SRRM3: variants seen among roughly 807,000 people sequenced by gnomAD.
SRRM3 encodes serine/arginine repetitive matrix protein 3.
A neutral mutation model predicts 66.2 loss-of-function variants in SRRM3; 27 were observed. The observed-to-expected ratio is 0.41, with a 90% CI of 0.30 to 0.56. SRRM3 has a LOEUF of 0.56. Ranked by LOEUF, SRRM3 falls within the 20% of genes least tolerant of loss-of-function variation. The probability of loss-of-function intolerance (pLI) is 0.32; values close to 1 mark genes in which losing one functional copy is unlikely to be tolerated. For missense variants in SRRM3, 918 were observed against 991.9 expected (o/e 0.93, Z 1.00); for synonymous variants, 391 against 414.9 (o/e 0.94, Z 0.70).
intron 8 of SRRM3, among the ~76,000 whole-genome samples, chr7:76,263,877 C>CAAA (rs781852712): frequency 0.03 from 1,460 of 49,280 alleles, 236 homozygotes; most frequent in African/African-American, 0.073. Context: ...TGTCTCAAGA[C>CAAA]AAAAAAAAAA....
At chr7:76,262,987 C>T (rs1406498001) in intron 8 of SRRM3, among the ~76,000 whole-genome samples, 3 of 152,046 alleles carry the variant, frequency 2.0e-5, no homozygotes, top group Non-Finnish European at 4.4e-5. Flanking sequence ...GTCTGGAGTT[C>T]CTTCTTTGTA....
intron 1 of SRRM3, among the ~76,000 whole-genome samples, chr7:76,222,622 T>A (rs907233656): frequency 1.1e-4 from 16 of 151,866 alleles, no homozygotes; most frequent in Admixed American, 2.0e-4. Context: ...TTTGTTTTTT[T>A]AATTTTTTTA....
chr7:76,282,482 C>G (rs1802547678), intron 12 of SRRM3, 166 bp from the exon 13 acceptor site: 3 of 456,452 alleles, frequency 6.6e-6, no homozygotes, highest in Middle Eastern at 1.1e-3. Flanking sequence ...TGAACTGACC[C>G]CTGCCCCTCA....
At position 76,286,074 on chromosome 7, in the gene SRRM3, A is replaced by G. The variant is rs1554612797; in HGVS notation, c.*231A>G. ...GGGTGTCCTCTCCCACCTCCTGTCC[A>G]CCCACTGTGCCCGGGGAACAAAGAG... On this transcript the variant is annotated 3_prime_UTR_variant, in exon 15 of 15. Coordinates refer to ENST00000611745, the MANE Select transcript of SRRM3 (RefSeq NM_001110199.3). 3 of 583,874 alleles carry G rather than the reference A, an allele frequency of 5.1e-6. No individual in the cohort carries two copies. Among genetic ancestry groups the G allele is most frequent in the African/African-American group, 3.8e-5 (2 of 53,150 alleles). 36.2% of individuals were successfully genotyped at this position (583,874 alleles called of 1,614,324 possible).
In SRRM3 at chr7:76,285,553, C is replaced by T. The variant is rs1160926268; in HGVS notation, c.1734-62C>T. On this transcript the variant is annotated intron_variant, in intron 14 of 14. Coordinates refer to ENST00000611745, the MANE Select transcript of SRRM3 (RefSeq NM_001110199.3). The surrounding 1 kb of genome is among the most constrained non-coding windows in gnomAD (Gnocchi z 4.1). Reference sequence around the variant, plus strand: ...GGGAAACTGAGGCAGGAAGCCCTGGCCGCTGCTGGGATGGGGCTCGGGGCC... The same window carrying T: ...GGGAAACTGAGGCAGGAAGCCCTGGTCGCTGCTGGGATGGGGCTCGGGGCC... The T allele has an allele frequency of 2.1e-6, 3 of 1,399,214 alleles. No individual in the cohort carries two copies. In the African/African-American group the frequency reaches 4.3e-5, roughly 20 times the overall value. 86.7% of individuals were successfully genotyped at this position (1,399,214 alleles called of 1,614,324 possible).
intron 3 of SRRM3, among the ~76,000 whole-genome samples, chr7:76,258,149 C>G (rs1801758557): frequency 6.6e-6 from 1 of 152,174 alleles, no homozygotes; most frequent in Non-Finnish European, 1.5e-5. Flanking sequence ...GGCCCCCACC[C>G]TCTGCCACCA....
chr7:76,258,713 C>CAAAAAAAAAAAAAAAAAAAA (rs201265747), intron 3 of SRRM3, among the ~76,000 whole-genome samples: 1 of 68,282 alleles, frequency 1.5e-5, no homozygotes, highest in South Asian at 5.4e-4. Context: ...GACTCCATCT[C>CAAAAAAAAAAAAAAAAAAAA]AAAAAAAAAA....
In SRRM3 at chr7:76,235,127, G is replaced by C. The variant is rs545492315; in HGVS notation, c.61G>C (p.Gly21Arg). 2 of 1,577,726 alleles carry C rather than the reference G, an allele frequency of 1.3e-6. No homozygotes were observed. Among genetic ancestry groups the C allele is most frequent in the South Asian group, 2.3e-5 (2 of 87,250 alleles). ...GCAGTCCACACCCGACGCCGCGAAC[G>C]GCTTCCCGCAGCCCAGCTCCTCCTC... is the stretch of plus-strand genomic sequence containing the variant. ...SMQSTPDAANGFPQPSSSSGT... is the reference protein window; with the variant it reads ...SMQSTPDAANRFPQPSSSSGT... The change falls in exon 2 of 15, where the codon GGC becomes CGC. Residue 21 changes from glycine (G) to arginine (R), a missense_variant. Transcript: ENST00000611745.
At chr7:76,246,600 G>T (rs1801449163) in intron 2 of SRRM3, among the ~76,000 whole-genome samples, 1 of 152,014 alleles carries the variant, frequency 6.6e-6, no homozygotes, top group Non-Finnish European at 1.5e-5. Flanking sequence ...GAAAAGAAAA[G>T]TTGTATAGGT....
At position 76,260,052 on chromosome 7, in the gene SRRM3, C is replaced by T. The variant is rs561314187; in HGVS notation, c.464+18C>T. ...GGGTACAGGTCAGCGGCCGCCGCGG[C>T]GGGGGTGGGGGGCGCGCGGGGCTGC... is the stretch of plus-strand genomic sequence containing the variant. On this transcript the variant is annotated intron_variant, in intron 4 of 14. Coordinates refer to ENST00000611745, the MANE Select transcript of SRRM3 (RefSeq NM_001110199.3). The T allele has an allele frequency of 3.3e-5, 49 of 1,501,526 alleles. 1 individual carries two copies. The South Asian group carries it at 5.4e-4, about 16-fold the overall frequency. 93.0% of individuals were successfully genotyped at this position (1,501,526 alleles called of 1,614,324 possible). A position where few individuals can be genotyped will look rare whatever the true frequency, so the allele number is the denominator to read the frequency against.
intron 3 of SRRM3, among the ~76,000 whole-genome samples, chr7:76,251,320 A>G (rs549017858): frequency 1.3e-5 from 2 of 152,198 alleles, no homozygotes; most frequent in East Asian, 1.9e-4. Flanking sequence ...TAAACTAGTT[A>G]GCAAACATGA....
At chr7:76,282,417 C>T (rs1802545301) in intron 12 of SRRM3, among the ~76,000 whole-genome samples, 2 of 150,014 alleles carry the variant, frequency 1.3e-5, no homozygotes, top group African/African-American at 2.4e-5. Context: ...CCCCATCCCG[C>T]AGAACAATCT....
chr7:76,226,460 A>G lies in SRRM3; in HGVS notation c.-39-8568A>G, dbSNP rs542841665. On this transcript the variant is annotated intron_variant, in intron 1 of 14. Transcript: ENST00000611745. ...TCCAGCATCTGGGCTTGCCCTTGGGAGCTGACCCAGTGCTGGGGACAGCCT... is the reference window on the plus strand; with the variant it reads ...TCCAGCATCTGGGCTTGCCCTTGGGGGCTGACCCAGTGCTGGGGACAGCCT... Among the ~76,000 whole-genome samples, 3 of 152,336 alleles carry G rather than the reference A, an allele frequency of 2.0e-5. No homozygotes were observed. In the East Asian group the frequency reaches 5.8e-4, roughly 29 times the overall value.
intron 2 of SRRM3, among the ~76,000 whole-genome samples, chr7:76,242,022 C>T (rs1445246514): frequency 6.6e-6 from 1 of 152,082 alleles, no homozygotes; most frequent in Non-Finnish European, 1.5e-5. Context: ...CCTCAGGAAG[C>T]TTTTAGTCAT....
chr7:76,223,769 T>A (rs1417309460), intron 1 of SRRM3, among the ~76,000 whole-genome samples: 1 of 151,916 alleles, frequency 6.6e-6, no homozygotes, highest in East Asian at 1.9e-4. Context: ...TCCATTCCAC[T>A]GTAGCCCTCT....
chr7:76,243,369 A>C (rs992068209), intron 2 of SRRM3, among the ~76,000 whole-genome samples: 4 of 152,146 alleles, frequency 2.6e-5, no homozygotes, highest in African/African-American at 9.7e-5. Context: ...TGGTGGTCAC[A>C]TGAGACCAAT....
intron 1 of SRRM3, among the ~76,000 whole-genome samples, chr7:76,224,739 C>T (rs1245695719): frequency 6.6e-6 from 1 of 152,118 alleles, no homozygotes; most frequent in African/African-American, 2.4e-5. Flanking sequence ...GCTGAGTGAC[C>T]GCCTACACAC....
intron 3 of SRRM3, 124 bp from the exon 4 acceptor site, chr7:76,259,782 C>G (rs1232585770): frequency 4.1e-6 from 6 of 1,459,182 alleles, no homozygotes; most frequent in Non-Finnish European, 5.6e-6. Flanking sequence ...AGTTACCCCT[C>G]GCCCCTCCCC....
In SRRM3 at chr7:76,285,681, C is replaced by G. The variant is rs548789462; in HGVS notation, c.1800C>G (p.Ser600Arg). The change falls in exon 15 of 15, where the codon AGC (serine) becomes AGG (arginine). Residue 600 changes from serine (S) to arginine (R), a missense_variant. Physicochemically the swap from Ser to Arg is moderately radical, Grantham distance 110. Transcript: ENST00000611745. This position sits in a 1 kb window ranked among gnomAD's most constrained non-coding sequence, Gnocchi z 4.1. ...SPSSSSSCLS[S>R]DYSTRSHSRS... ...CTTCCTCCTCCAGCTGCTTGAGCAGCGACTACTCGACCCGGAGCCACAGCC... is the reference window on the plus strand; with the variant it reads ...CTTCCTCCTCCAGCTGCTTGAGCAGGGACTACTCGACCCGGAGCCACAGCC... The G allele has an allele frequency of 1.9e-6, 3 of 1,551,046 alleles. No homozygotes were observed. Among genetic ancestry groups the G allele is most frequent in the Non-Finnish European group, 2.6e-6 (3 of 1,146,940 alleles).
Sources: allele counts gnomAD v4.1 joint callset (sites outside exome capture counted in the v4.1 genomes callset), GRCh38; gene constraint gnomAD v4.1.1; non-coding constraint Gnocchi (gnomAD v3.1); transcripts MANE v1.5; gene names NCBI Gene and HGNC (gene_info 2026-07-23, HGNC 2026-07-21).